The following DOC2B variants were observed in gnomAD, a reference collection of about 807,000 sequenced individuals.
DOC2B encodes double C2 domain beta.
Under a neutral mutation model 28.9 loss-of-function variants are expected in DOC2B, and 21 were observed. The ratio of observed to expected loss-of-function variants is 0.73; its 90% CI spans 0.52 to 1.05. DOC2B has a LOEUF of 1.05. Among genes scored for constraint, DOC2B ranks in the 50% least tolerant of loss-of-function variants. The pLI, the probability that DOC2B is intolerant of heterozygous loss-of-function variation, is 0.00. For synonymous variants in DOC2B, 194 were observed against 178.1 expected, an observed-to-expected ratio of 1.09 and a Z score of -0.71; for missense variants, 384 against 421.1, an observed-to-expected ratio of 0.91 and a Z score of 0.77.
chr17:177,613 G>A (rs533533792), intron 1 of DOC2B, among the ~76,000 whole-genome samples: 3 of 152,310 alleles, frequency 2.0e-5, no homozygotes, highest in East Asian at 3.9e-4. Flanking sequence ...CCTGTCCCTC[G>A]CTGTGGGGTC....
chr17:180,995 G>C (rs1287503092), intron 1 of DOC2B, 112 bp downstream of exon 1: 2 of 939,994 alleles, frequency 2.1e-6, no homozygotes, highest in Non-Finnish European at 2.7e-6. Context: ...GTTGTGAACC[G>C]AGGCAGAGCG....
chr17:160,128 G>A (rs939759131), intron 5 of DOC2B, among the ~76,000 whole-genome samples: 6 of 152,070 alleles, frequency 3.9e-5, no homozygotes, highest in Non-Finnish European at 8.8e-5. Context: ...GGGATTACAG[G>A]CATGCACCCC....
intron 5 of DOC2B, 40 bp from the exon 6 acceptor site, chr17:156,417 AC>A: frequency 6.5e-7 from 1 of 1,540,924 alleles, no homozygotes. Context: ...ACCTGCTCCC[AC>A]CCCTCTCTTG....
intron 2 of DOC2B, 68 bp downstream of exon 2, chr17:172,469 C>A: frequency 7.4e-7 from 1 of 1,349,872 alleles, no homozygotes; most frequent in Non-Finnish European, 1.0e-6. Flanking sequence ...TGTGGTCTGG[C>A]CTCCCTGACC....
intron 1 of DOC2B, among the ~76,000 whole-genome samples, chr17:175,647 C>G (rs1237071039): frequency 6.6e-6 from 1 of 152,242 alleles, no homozygotes; most frequent in Non-Finnish European, 1.5e-5. Context: ...AACCAACTTG[C>G]CCTCCAGGTG....
At chr17:175,715 C>T (rs767043374) in intron 1 of DOC2B, among the ~76,000 whole-genome samples, 8 of 152,216 alleles carry the variant, frequency 5.3e-5, no homozygotes, top group Non-Finnish European at 1.0e-4. Context: ...ATTCTGATTT[C>T]TGCCTGTTTC....
intron 6 of DOC2B, among the ~76,000 whole-genome samples, chr17:150,997 A>C (rs560016655): frequency 1.1e-4 from 16 of 152,296 alleles, no homozygotes; most frequent in African/African-American, 3.8e-4. Context: ...AAAACAGGTG[A>C]GTGGTTGCCT....
At chr17:177,825 G>A (rs2040388285) in intron 1 of DOC2B, among the ~76,000 whole-genome samples, 1 of 152,278 alleles carries the variant, frequency 6.6e-6, no homozygotes, top group Non-Finnish European at 1.5e-5. Context: ...CAGCCCATGG[G>A]GGCTGGAATA....
At position 143,799 on chromosome 17, in the gene DOC2B, T is replaced by A. The variant is rs1379033260; in HGVS notation, c.*3642A>T. ...GGTAGGTCAGACCAAAATACAAAAC[T>A]TGTCTGTGGGACTGCAGTTTGAGGA... On this transcript the variant is annotated 3_prime_UTR_variant, in exon 9 of 9. Transcript: ENST00000613549. The A allele has an allele frequency of 6.6e-6, 1 of 152,038 alleles. No homozygotes were observed. The highest frequency in any genetic ancestry group is 1.5e-5 in the Non-Finnish European group (1 of 67,990). 9.4% of individuals were successfully genotyped at this position (152,038 alleles called of 1,614,324 possible).
rs777728170 is a variant in DOC2B at position 162,199 on chromosome 17, G to T, written c.529-9C>A. On this transcript the variant is annotated splice_polypyrimidine_tract_variant and intron_variant, in intron 3 of 8. Transcript: ENST00000613549. ...GTTCTGAGCTTATTTGCCTGGAGAA[G>T]AGAAAAATGATCTTATTAGCATCAA... 1 of 1,539,916 alleles carries T rather than the reference G, an allele frequency of 6.5e-7. No individual in the cohort carries two copies. Among genetic ancestry groups the T allele is most frequent in the African/African-American group, 1.4e-5 (1 of 72,808 alleles).
Position 150,891 on chromosome 17 carries a change from C to T in DOC2B, c.924-1699G>A, listed in dbSNP as rs150675064. 4.0e-4 allele frequency among the ~76,000 whole-genome samples: 61 copies of T among 152,296 alleles called. 1 individual carries two copies. The East Asian group carries it at 9.8e-3, about 25-fold the overall frequency. On this transcript the variant is annotated intron_variant, in intron 6 of 8. Coordinates refer to ENST00000613549, the MANE Select transcript of DOC2B (RefSeq NM_003585.5). The stretch of plus-strand genomic sequence containing the variant: ...ATGCAACTGACAGATGAATCTCAAA[C>T]GCATTCCTCCGTGTGAAAGAAGCCG...
At chr17:157,199 T>C (rs1215517779) in intron 5 of DOC2B, among the ~76,000 whole-genome samples, 2 of 152,252 alleles carry the variant, frequency 1.3e-5, no homozygotes, top group Non-Finnish European at 1.5e-5. Flanking sequence ...GGACTTTCCC[T>C]TGGCTTTGAA....
rs913664463 is a variant in DOC2B at position 146,049 on chromosome 17, G to A, written c.*1392C>T. On this transcript the variant is annotated 3_prime_UTR_variant, in exon 9 of 9. Transcript: ENST00000613549. ...CTTCAGGCATGGGCCCCAAGATTCAGATACTCTCAAGCCTCCTGGGGAGTC... is the reference window on the plus strand; with the variant it reads ...CTTCAGGCATGGGCCCCAAGATTCAAATACTCTCAAGCCTCCTGGGGAGTC... 2.0e-5 allele frequency: 3 copies of A among 152,298 alleles called. No homozygotes were observed. The highest frequency in any genetic ancestry group is 1.3e-4 in the Admixed American group (2 of 15,292). 9.4% of individuals were successfully genotyped at this position (152,298 alleles called of 1,614,324 possible).
chr17:145,725 TG>T lies in DOC2B; in HGVS notation c.*1715del. 1 of 153,710 alleles carries T rather than the reference TG, an allele frequency of 6.5e-6. No homozygotes were observed. Among genetic ancestry groups the T allele is most frequent in the Non-Finnish European group, 1.4e-5 (1 of 69,288 alleles). The allele number at this position is 153,710 out of a possible 1,614,324, so 9.5% of individuals were successfully genotyped here. ...AGTCCCTCTATCGGTGTTGAAGGGGTGGGCAGCAGGCGGGGGAGCCCCAGGC... is the reference window on the plus strand; with the variant it reads ...AGTCCCTCTATCGGTGTTGAAGGGGTGGCAGCAGGCGGGGGAGCCCCAGGC... On this transcript the variant is annotated 3_prime_UTR_variant, in exon 9 of 9. Transcript: ENST00000613549.
intron 2 of DOC2B, 31 bp from the exon 3 acceptor site, chr17:164,235 G>A: frequency 2.7e-6 from 4 of 1,496,496 alleles, no homozygotes; most frequent in Non-Finnish European, 3.6e-6. Context: ...GGTGTGAACT[G>A]GAAATCGGGG....
chr17:162,916 TC>T (rs2040221800), intron 3 of DOC2B, among the ~76,000 whole-genome samples: 1 of 152,098 alleles, frequency 6.6e-6, no homozygotes, highest in Admixed American at 6.5e-5. Context: ...TTGCTGCCAC[TC>T]CCTCCTCCTG....
At position 146,170 on chromosome 17, in the gene DOC2B, C is replaced by G. The variant is rs1201630232; in HGVS notation, c.*1271G>C. 6.6e-6 allele frequency: 1 copy of G among 152,220 alleles called. No homozygotes were observed. Among genetic ancestry groups the G allele is most frequent in the Non-Finnish European group, 1.5e-5 (1 of 68,082 alleles). 9.4% of individuals were successfully genotyped at this position (152,220 alleles called of 1,614,324 possible). A position where few individuals can be genotyped will look rare whatever the true frequency, so the allele number is the denominator to read the frequency against. ...CCCACAGGCCTCCCCAGAGACAAGG[C>G]CCTGGACGGCCACTGATTACTCCCA... On this transcript the variant is annotated 3_prime_UTR_variant, in exon 9 of 9. Transcript: ENST00000613549.
In DOC2B at chr17:147,087, G is replaced by A. The variant is rs1447304568; in HGVS notation, c.*354C>T. The A allele has an allele frequency of 1.9e-5, 4 of 208,708 alleles. No homozygotes were observed. Among genetic ancestry groups the A allele is most frequent in the African/African-American group, 2.3e-5 (1 of 43,666 alleles). 12.9% of individuals were successfully genotyped at this position (208,708 alleles called of 1,614,324 possible). A position where few individuals can be genotyped will look rare whatever the true frequency, so the allele number is the denominator to read the frequency against. ...CCTCCCTCCTCTGTTCCCACTGTCC[G>A]CCAAGGCGCCCCCACACTCCTGTCC... On this transcript the variant is annotated 3_prime_UTR_variant, in exon 9 of 9. Coordinates refer to ENST00000613549, the MANE Select transcript of DOC2B (RefSeq NM_003585.5).
At chr17:161,133 C>T (rs1555523173) in intron 5 of DOC2B, among the ~76,000 whole-genome samples, 1 of 152,128 alleles carries the variant, frequency 6.6e-6, no homozygotes. Context: ...GGCCTCCTGC[C>T]CTCTCCTCCC....
Sources: allele counts gnomAD v4.1 joint callset (sites outside exome capture counted in the v4.1 genomes callset), GRCh38; gene constraint gnomAD v4.1.1; transcripts MANE v1.5; gene names NCBI Gene and HGNC (gene_info 2026-07-23, HGNC 2026-07-21).